PHACTR1: variants seen among roughly 807,000 people sequenced by gnomAD.
PHACTR1 encodes phosphatase and actin regulator 1, also known as RPEL repeat containing 1.
In PHACTR1, 16 loss-of-function variants were observed where a neutral mutation model predicts 69.2. The ratio of observed to expected loss-of-function variants is 0.23; its 90% CI spans 0.16 to 0.35. The LOEUF is 0.35. Ranked by LOEUF, PHACTR1 falls within the 10% of genes least tolerant of loss-of-function variation. The pLI is 1.00. For missense variants in PHACTR1, 510 were observed against 734.7 expected, an observed-to-expected ratio of 0.69 and a Z score of 3.54; for synonymous variants, 312 against 284.5, an observed-to-expected ratio of 1.10 and a Z score of -0.97.
intron 4 of PHACTR1, among the ~76,000 whole-genome samples, chr6:12,859,532 C>T (rs547405710): frequency 6.6e-6 from 1 of 152,250 alleles, no homozygotes; most frequent in South Asian, 2.1e-4. Context: ...AAATTTGACA[C>T]TTATGATGGG....
intron 4 of PHACTR1, among the ~76,000 whole-genome samples, chr6:12,974,525 TG>T (rs1308371645): frequency 6.6e-6 from 1 of 152,244 alleles, no homozygotes; most frequent in African/African-American, 2.4e-5. Context: ...ATCTGCTCTC[TG>T]ACATTAACTG....
intron 5 of PHACTR1, among the ~76,000 whole-genome samples, chr6:13,115,377 ACTCT>A (rs949912165): frequency 3.3e-5 from 5 of 151,550 alleles, no homozygotes; most frequent in Non-Finnish European, 7.4e-5. Flanking sequence ...CAACACAAAC[ACTCT>A]CTCTCTCCCT....
Position 13,030,596 on chromosome 6 carries a change from T to C in PHACTR1, c.251-22769T>C, listed in dbSNP as rs147741736. Among the ~76,000 whole-genome samples, 10 of 152,338 alleles carry C rather than the reference T, an allele frequency of 6.6e-5. No individual in the cohort carries two copies. The East Asian group carries it at 9.6e-4, about 15-fold the overall frequency. On this transcript the variant is annotated intron_variant, in intron 4 of 14. Coordinates refer to ENST00000332995, the MANE Select transcript of PHACTR1 (RefSeq NM_030948.6). The stretch of plus-strand genomic sequence containing the variant: ...TCCCTGAAGTAGAATCCATTGCTCA[T>C]AAACTAGGAATGTTAAAGCCAGTCA...
chr6:13,244,692 T>A (rs1057197543), intron 10 of PHACTR1, among the ~76,000 whole-genome samples: 1 of 152,238 alleles, frequency 6.6e-6, no homozygotes, highest in African/African-American at 2.4e-5. Flanking sequence ...GAGTTTAAGT[T>A]TCTCTCTCTT....
intron 5 of PHACTR1, among the ~76,000 whole-genome samples, chr6:13,121,604 AATTT>A (rs1360304396): frequency 6.6e-6 from 1 of 152,172 alleles, no homozygotes; most frequent in African/African-American, 2.4e-5. Context: ...GATGAATGTG[AATTT>A]ATTCTATAAG....
rs574815532 is a variant in PHACTR1 at position 12,866,216 on chromosome 6, T to A, written c.250+116426T>A. Among the ~76,000 whole-genome samples the A allele has an allele frequency of 2.0e-5, 3 of 152,336 alleles. No homozygotes were observed. In the East Asian group the frequency reaches 5.8e-4, roughly 29 times the overall value. On this transcript the variant is annotated intron_variant, in intron 4 of 14. Transcript: ENST00000332995. ...TAATTCAAGCTGATGGTGGTGTTTC[T>A]GATTACAGACTGAAAGCTTTTCGCT...
intron 7 of PHACTR1, chr6:13,185,117 C>A: frequency 1.2e-6 from 1 of 837,230 alleles, no homozygotes; most frequent in Non-Finnish European, 1.6e-6. Context: ...GGAGGTTGCC[C>A]TGTGGGATGT....
chr6:12,887,173 G>A (rs1334725880), intron 4 of PHACTR1, among the ~76,000 whole-genome samples: 1 of 152,150 alleles, frequency 6.6e-6, no homozygotes, highest in African/African-American at 2.4e-5. Flanking sequence ...CCAAGTTTGG[G>A]AGAATCAAGG....
intron 4 of PHACTR1, 80 bp downstream of exon 4, chr6:12,749,870 G>C: frequency 7.4e-7 from 1 of 1,344,456 alleles, no homozygotes; most frequent in Non-Finnish European, 9.8e-7. Context: ...GCCCCTCCCG[G>C]GCGTCCTCCC....
At chr6:12,812,681 A>G (rs1775155561) in intron 4 of PHACTR1, among the ~76,000 whole-genome samples, 1 of 152,174 alleles carries the variant, frequency 6.6e-6, no homozygotes. Flanking sequence ...GCCTTTCTCC[A>G]TTCTCTGCTG....
intron 6 of PHACTR1, among the ~76,000 whole-genome samples, chr6:13,166,240 T>TA (rs1759788205): frequency 6.6e-6 from 1 of 152,224 alleles, no homozygotes; most frequent in African/African-American, 2.4e-5. Context: ...CCGCCTTCTC[T>TA]AAGTTCTTAG....
chr6:13,133,228 CCCCTCTCCCTCTCCCTTT>C (rs749001422), intron 5 of PHACTR1, among the ~76,000 whole-genome samples: 4,042 of 26,640 alleles, frequency 0.15, 527 homozygotes, highest in South Asian at 0.29. Flanking sequence ...CCTCCCCCTC[CCCCTCTCCCTCTCCCTTT>C]CCCTCTCCCT....
chr6:12,875,134 A>G (rs958693775), intron 4 of PHACTR1, among the ~76,000 whole-genome samples: 14 of 152,244 alleles, frequency 9.2e-5, no homozygotes, highest in African/African-American at 3.4e-4. Context: ...TAACATTTAC[A>G]TGAATTAACA....
intron 5 of PHACTR1, among the ~76,000 whole-genome samples, chr6:13,120,273 C>T (rs1298477279): frequency 6.6e-6 from 1 of 151,420 alleles, no homozygotes; most frequent in Non-Finnish European, 1.5e-5. Flanking sequence ...TCCTCCCCTC[C>T]TTTTTTTTTC....
At chr6:12,799,200 C>A (rs573618651) in intron 4 of PHACTR1, among the ~76,000 whole-genome samples, 2 of 152,274 alleles carry the variant, frequency 1.3e-5, no homozygotes, top group East Asian at 3.9e-4. Context: ...TTGCTCAAGT[C>A]ATAAGATTCA....
chr6:12,797,181 G>A (rs1365348872), intron 4 of PHACTR1, among the ~76,000 whole-genome samples: 1 of 152,080 alleles, frequency 6.6e-6, no homozygotes, highest in African/African-American at 2.4e-5. Context: ...GGGACAGATT[G>A]ATAACATGAA....
intron 5 of PHACTR1, among the ~76,000 whole-genome samples, chr6:13,147,641 A>T (rs1561900162): frequency 6.6e-6 from 1 of 152,158 alleles, no homozygotes; most frequent in Non-Finnish European, 1.5e-5. Flanking sequence ...TGTGGCATTT[A>T]TTGCCTTATA....
At chr6:12,730,448 T>A (rs951027579) in intron 3 of PHACTR1, among the ~76,000 whole-genome samples, 1 of 149,458 alleles carries the variant, frequency 6.7e-6, no homozygotes, top group Non-Finnish European at 1.5e-5. Flanking sequence ...TTAACACTTA[T>A]AAGGTCATTT....
At chr6:12,925,862 A>T (rs79116324) in intron 4 of PHACTR1, among the ~76,000 whole-genome samples, 1,989 of 152,066 alleles carry the variant, frequency 0.013, 47 homozygotes, top group African/African-American at 0.045. Context: ...GGAAAAAAAA[A>T]TTTCAGGGGC....
Sources: allele counts gnomAD v4.1 joint callset (sites outside exome capture counted in the v4.1 genomes callset), GRCh38; gene constraint gnomAD v4.1.1; transcripts MANE v1.5; gene names NCBI Gene and HGNC (gene_info 2026-07-23, HGNC 2026-07-21).